KIF26B: variants seen among roughly 807,000 people sequenced by gnomAD.
KIF26B encodes the protein kinesin family member 26B.
KIF26B carries 63 observed loss-of-function variants against 151.2 expected under a neutral mutation model. The ratio of observed to expected loss-of-function variants is 0.42; its 90% CI spans 0.34 to 0.51. The LOEUF is 0.51. Ranked by LOEUF, KIF26B falls within the 20% of genes least tolerant of loss-of-function variation. The pLI is 0.07. For synonymous variants in KIF26B, 1,357 were observed against 1,262.1 expected (o/e 1.08, Z -1.59); for missense variants, 2,813 against 2,913.6 (o/e 0.97, Z 0.79).
At chr1:245,679,194 T>C (rs577493729) in intron 10 of KIF26B, among the ~76,000 whole-genome samples, 1 of 152,302 alleles carries the variant, frequency 6.6e-6, no homozygotes. Context: ...CCACAGACAC[T>C]ATGTAAACAA....
intron 5 of KIF26B, among the ~76,000 whole-genome samples, chr1:245,554,032 GT>G (rs1661957235): frequency 6.6e-6 from 1 of 152,048 alleles, no homozygotes. Context: ...TATCTCTTGT[GT>G]CCAAACCCAC....
Position 245,400,618 on chromosome 1 carries a change from G to A in KIF26B, c.1000-18961G>A, listed in dbSNP as rs2103026746. Among the ~76,000 whole-genome samples, 3 of 151,814 alleles carry A rather than the reference G, an allele frequency of 2.0e-5. No homozygotes were observed. The Middle Eastern group carries it at 0.01, about 516-fold the overall frequency. On this transcript the variant is annotated intron_variant, in intron 3 of 14. Transcript: ENST00000407071. ...GACGTGGCTAGTCTGAACTGAATGTGACTGGTCTGTATAAAATACATATTA... is the reference window on the plus strand; with the variant it reads ...GACGTGGCTAGTCTGAACTGAATGTAACTGGTCTGTATAAAATACATATTA...
chr1:245,183,442 A>G (rs183966695), intron 2 of KIF26B, among the ~76,000 whole-genome samples: 163 of 152,324 alleles, frequency 1.1e-3, no homozygotes, highest in African/African-American at 3.7e-3. Flanking sequence ...ACTTAGGTCT[A>G]TGGTCCATTT....
chr1:245,659,963 G>A (rs915040350), intron 10 of KIF26B, among the ~76,000 whole-genome samples: 4 of 151,548 alleles, frequency 2.6e-5, no homozygotes, highest in African/African-American at 7.3e-5. Context: ...CAGGCGAATC[G>A]CTTGAACCCC....
intron 7 of KIF26B, 151 bp from the exon 8 acceptor site, chr1:245,609,115 A>C: frequency 2.9e-6 from 2 of 698,380 alleles, no homozygotes; most frequent in Non-Finnish European, 4.5e-6. Flanking sequence ...GTTGTTGTCA[A>C]ATACTATTTC....
chr1:245,683,995 C>T (rs944553855), intron 10 of KIF26B, among the ~76,000 whole-genome samples: 2 of 152,226 alleles, frequency 1.3e-5, no homozygotes, highest in Non-Finnish European at 2.9e-5. Context: ...ACAGCCAGGA[C>T]AGAAGCGCCA....
chr1:245,542,170 T>G (rs1158686028), intron 5 of KIF26B, among the ~76,000 whole-genome samples: 1 of 152,102 alleles, frequency 6.6e-6, no homozygotes, highest in Non-Finnish European at 1.5e-5. Flanking sequence ...CTGGGTAACA[T>G]AGCAAGACCC....
chr1:245,577,925 C>A (rs116083400), intron 5 of KIF26B, among the ~76,000 whole-genome samples: 4,683 of 150,314 alleles, frequency 0.031, 104 homozygotes, highest in Non-Finnish European at 0.045. Context: ...CAAGGAAGAG[C>A]TTTCTGGAAC....
rs1347364056 is a variant in KIF26B at position 245,336,062 on chromosome 1, GA to G, written c.466-30771del. Among the ~76,000 whole-genome samples, 1,019 of 125,740 alleles carry G rather than the reference GA, an allele frequency of 8.1e-3. 31 individuals are homozygous for G. Among genetic ancestry groups the G allele is most frequent in the African/African-American group, 0.032 (931 of 28,868 alleles). The allele number at this position is 125,740 out of a possible 152,430, so 82.5% of individuals were successfully genotyped here. A position where few individuals can be genotyped will look rare whatever the true frequency, so the allele number is the denominator to read the frequency against. On this transcript the variant is annotated intron_variant, in intron 2 of 14. Coordinates refer to ENST00000407071, the MANE Select transcript of KIF26B (RefSeq NM_018012.4). ...AGGAGGGTCCCACGCAGGGAAAGGA[GA>G]GTCCCACGCAGGGAAAGGAGGGTCC...
At chr1:245,525,389 G>T (rs1250404361) in intron 4 of KIF26B, among the ~76,000 whole-genome samples, 1 of 152,150 alleles carries the variant, frequency 6.6e-6, no homozygotes, top group Non-Finnish European at 1.5e-5. Context: ...AGTGTTTGTT[G>T]TTATTAGTGA....
chr1:245,686,110 C>A lies in KIF26B; in HGVS notation c.3127C>A (p.Leu1043Ile), dbSNP rs752599824. The A allele has an allele frequency of 1.9e-6, 3 of 1,609,678 alleles. No individual in the cohort carries two copies. In the South Asian group the frequency reaches 3.3e-5, roughly 18 times the overall value. ...CTCCCCACTCGTGCAGAGCCCCAGCCTCCAGAGCAGCCGGGAGAGCCTCAA... is the reference window on the plus strand; with the variant it reads ...CTCCCCACTCGTGCAGAGCCCCAGCATCCAGAGCAGCCGGGAGAGCCTCAA... Reference protein sequence around the residue: ...SASPLVQSPSLQSSRESLNSC... With the variant: ...SASPLVQSPSIQSSRESLNSC... Residue 1043 changes from leucine to isoleucine, a missense_variant, in exon 12 of 15, where the codon CTC becomes ATC. This residue lies in a region of KIF26B where 2,060 missense variants were observed against 2,088.6 expected (regional missense o/e 0.99). Coordinates refer to ENST00000407071, the MANE Select transcript of KIF26B (RefSeq NM_018012.4). This position sits in a 1 kb window ranked among gnomAD's most constrained non-coding sequence, Gnocchi z 5.6.
chr1:245,645,492 C>T (rs2043936981), intron 9 of KIF26B, among the ~76,000 whole-genome samples: 2 of 152,162 alleles, frequency 1.3e-5, no homozygotes, highest in Admixed American at 1.3e-4. Context: ...CAGTTATTTT[C>T]TCATCAATAC....
At chr1:245,370,162 C>T (rs1188467988) in intron 3 of KIF26B, among the ~76,000 whole-genome samples, 1 of 152,198 alleles carries the variant, frequency 6.6e-6, no homozygotes, top group Non-Finnish European at 1.5e-5. Flanking sequence ...CCTAGCATTT[C>T]ATACACTCGC....
chr1:245,498,553 C>T (rs1660556434), intron 4 of KIF26B, among the ~76,000 whole-genome samples: 2 of 152,216 alleles, frequency 1.3e-5, no homozygotes, highest in Admixed American at 1.3e-4. Context: ...GGGATCATTT[C>T]TTCCAAGCTG....
At chr1:245,159,256 T>C (rs914094983) in intron 2 of KIF26B, among the ~76,000 whole-genome samples, 2 of 152,180 alleles carry the variant, frequency 1.3e-5, no homozygotes, top group African/African-American at 4.8e-5. Flanking sequence ...TTAAATAGAG[T>C]GTTAAATTCT....
chr1:245,159,434 C>T (rs556652034), intron 2 of KIF26B, among the ~76,000 whole-genome samples: 105 of 152,174 alleles, frequency 6.9e-4, no homozygotes, highest in Admixed American at 9.8e-4. Flanking sequence ...TTTTAACTTT[C>T]CTATTAATAT....
intron 5 of KIF26B, among the ~76,000 whole-genome samples, chr1:245,594,223 T>C (rs2043318446): frequency 6.6e-6 from 1 of 152,244 alleles, no homozygotes. Context: ...TTTGGTGTTT[T>C]AGACATGAAG....
intron 10 of KIF26B, among the ~76,000 whole-genome samples, chr1:245,659,154 C>T (rs535070458): frequency 4.4e-4 from 67 of 152,236 alleles, no homozygotes; most frequent in African/African-American, 1.4e-3. Context: ...GGGAGGATTG[C>T]GTGAGCCTGG....
At chr1:245,340,332 G>T (rs1229989517) in intron 2 of KIF26B, among the ~76,000 whole-genome samples, 1 of 131,796 alleles carries the variant, frequency 7.6e-6, no homozygotes, top group African/African-American at 2.7e-5. Flanking sequence ...TTGTTATTCT[G>T]TATTGTTTGA....
Sources: gnomAD v4.1 joint callset for allele counts (sites outside exome capture counted in the v4.1 genomes callset) on GRCh38, gnomAD v4.1.1 for gene constraint, gnomAD v4.1.1 regional missense constraint, Gnocchi (gnomAD v3.1) non-coding constraint, MANE v1.5 for transcripts, NCBI Gene and HGNC (gene_info 2026-07-23, HGNC 2026-07-21) for gene names.